Variants in ICE2 observed in about 807,000 individuals in gnomAD.
The protein encoded by ICE2 is little elongation complex subunit 2.
A neutral mutation model predicts 105.4 loss-of-function variants in ICE2; 87 were observed. The ratio of observed to expected loss-of-function variants is 0.83; its 90% confidence interval spans 0.69 to 0.99. The LOEUF (loss-of-function observed/expected upper bound fraction) is 0.99. ICE2 is among the 50% of genes least tolerant of loss of function. ICE2 has a pLI of 0.00. For synonymous variants in ICE2, 399 were observed against 392.0 expected, an observed-to-expected ratio of 1.02 and a Z score of -0.21; for missense variants, 1,323 against 1,146.7, an observed-to-expected ratio of 1.15 and a Z score of -2.22.
At chr15:60,466,324 A>C (rs563081471) in intron 5 of ICE2, among the ~76,000 whole-genome samples, 1 of 152,366 alleles carries the variant, frequency 6.6e-6, no homozygotes, top group South Asian at 2.1e-4. Flanking sequence ...TCAGTGGGTC[A>C]GTTCAAACTA....
intron 3 of ICE2, among the ~76,000 whole-genome samples, chr15:60,472,416 T>C (rs1350882612): frequency 2.0e-5 from 3 of 152,172 alleles, no homozygotes; most frequent in Non-Finnish European, 4.4e-5. Flanking sequence ...GTAATTACTG[T>C]AACAATGATT....
intron 8 of ICE2, 49 bp from the exon 9 acceptor site, chr15:60,453,833 A>G (rs2064028906): frequency 7.0e-7 from 1 of 1,424,520 alleles, no homozygotes; most frequent in Non-Finnish European, 9.7e-7. Flanking sequence ...TAATTGTGAT[A>G]TATTTTTTAA....
At chr15:60,475,038 C>T (rs948648118) in intron 3 of ICE2, among the ~76,000 whole-genome samples, 21 of 152,068 alleles carry the variant, frequency 1.4e-4, no homozygotes, top group Admixed American at 1.0e-3. Context: ...GAGGGGACAA[C>T]GGACAGAAAA....
intron 9 of ICE2, chr15:60,453,277 C>A (rs933217458): frequency 8.1e-5 from 85 of 1,048,628 alleles, no homozygotes; most frequent in Non-Finnish European, 9.4e-5. Context: ...TTAAACAAAA[C>A]CTCATATTAA....
Position 60,479,030 on chromosome 15 carries a change from G to A in ICE2, c.-120C>T, listed in dbSNP as rs1301579985. 2.2e-6 allele frequency: 1 copy of A among 455,872 alleles called. No homozygotes were observed. Among genetic ancestry groups the A allele is most frequent in the Non-Finnish European group, 4.4e-6 (1 of 226,754 alleles). The allele number at this position is 455,872 out of a possible 1,614,324, so 28.2% of individuals were successfully genotyped here. On this transcript the variant is annotated 5_prime_UTR_variant, in exon 1 of 16. Coordinates refer to ENST00000261520, the MANE Select transcript of ICE2 (RefSeq NM_024611.6). Reference sequence around the variant, plus strand: ...CATGGTCCGCGGCGGCTCTTGCCCAGGCCGCAGCCACACACCACACACGCT... The same window carrying A: ...CATGGTCCGCGGCGGCTCTTGCCCAAGCCGCAGCCACACACCACACACGCT...
At chr15:60,436,587 C>T (rs1352296619) in intron 12 of ICE2, among the ~76,000 whole-genome samples, 1 of 150,748 alleles carries the variant, frequency 6.6e-6, no homozygotes, top group African/African-American at 2.4e-5. Context: ...TAGTGGCGGG[C>T]GCCTGTAGTC....
intron 1 of ICE2, chr15:60,478,798 G>A (rs1043949604): frequency 1.4e-5 from 5 of 367,458 alleles, no homozygotes; most frequent in Middle Eastern, 9.7e-4. Context: ...CTGAGGGAAA[G>A]GGGACGCAAA....
At chr15:60,447,225 A>G (rs2063841622) in intron 11 of ICE2, among the ~76,000 whole-genome samples, 1 of 152,222 alleles carries the variant, frequency 6.6e-6, no homozygotes, top group Non-Finnish European at 1.5e-5. Flanking sequence ...CCATCTTTCA[A>G]AAGTTCTACT....
intron 11 of ICE2, among the ~76,000 whole-genome samples, chr15:60,446,612 GTC>G (rs1480970512): frequency 5.3e-5 from 8 of 152,120 alleles, no homozygotes; most frequent in Admixed American, 6.6e-5. Context: ...AGCCAGGATG[GTC>G]TCAATCTCCT....
chr15:60,466,065 T>C (rs1209629259), intron 5 of ICE2, among the ~76,000 whole-genome samples: 4 of 152,168 alleles, frequency 2.6e-5, no homozygotes, highest in Non-Finnish European at 5.9e-5. Flanking sequence ...TTAAGTAGTA[T>C]ACTTTAATTT....
intron 6 of ICE2, among the ~76,000 whole-genome samples, chr15:60,455,885 T>C (rs2064096276): frequency 6.6e-6 from 1 of 152,156 alleles, no homozygotes; most frequent in Admixed American, 6.5e-5. Context: ...CCCAAAGTGC[T>C]GGGATTATAG....
chr15:60,432,478 T>G (rs953339157), intron 13 of ICE2, among the ~76,000 whole-genome samples: 1 of 151,222 alleles, frequency 6.6e-6, no homozygotes, highest in Non-Finnish European at 1.5e-5. Context: ...GCATGAGGCA[T>G]GGGGTCGGGC....
Position 60,455,430 on chromosome 15 carries a change from A to AT in ICE2, c.678dup (p.Tyr227IlefsTer24), listed in dbSNP as rs1330728160. The AT allele has an allele frequency of 6.2e-7, 1 of 1,607,672 alleles. No homozygotes were observed. The highest frequency in any genetic ancestry group is 8.5e-7 in the Non-Finnish European group (1 of 1,174,846). On this transcript the variant is annotated frameshift_variant, in exon 7 of 16. Coordinates refer to ENST00000261520, the MANE Select transcript of ICE2 (RefSeq NM_024611.6). LOFTEE classifies it high-confidence loss of function. ...ATTGAGGGAAATACTGTTTTCACAT[A>AT]TTTTACACTGCCCTAAATATGAAAA...
chr15:60,429,933 TGA>T (rs2063419246), intron 14 of ICE2, among the ~76,000 whole-genome samples: 1 of 152,204 alleles, frequency 6.6e-6, no homozygotes. Context: ...TCATGGAGAA[TGA>T]GAGATACTCT....
intron 9 of ICE2, among the ~76,000 whole-genome samples, chr15:60,450,495 T>C (rs1263462353): frequency 6.6e-6 from 1 of 152,180 alleles, no homozygotes; most frequent in East Asian, 1.9e-4. Flanking sequence ...GCTTTTAACT[T>C]ATTCAGGACT....
At position 60,442,645 on chromosome 15, in the gene ICE2, G is replaced by C. The variant is rs183569776; in HGVS notation, c.2296-100C>G. On this transcript the variant is annotated intron_variant, in intron 11 of 15. Coordinates refer to ENST00000261520, the MANE Select transcript of ICE2 (RefSeq NM_024611.6). ...TTTGCCACTTTCAAAATGCTTTCAGGTAATCTTATTTCATCCTTTCAATTA... is the reference window on the plus strand; with the variant it reads ...TTTGCCACTTTCAAAATGCTTTCAGCTAATCTTATTTCATCCTTTCAATTA... The C allele has an allele frequency of 2.2e-4, 196 of 876,226 alleles. No individual in the cohort carries two copies. In the East Asian group the frequency reaches 4.5e-3, roughly 20 times the overall value. 54.3% of individuals were successfully genotyped at this position (876,226 alleles called of 1,614,324 possible). A position where few individuals can be genotyped will look rare whatever the true frequency, so the allele number is the denominator to read the frequency against.
intron 11 of ICE2, among the ~76,000 whole-genome samples, chr15:60,444,255 T>G (rs961836117): frequency 6.6e-6 from 1 of 152,198 alleles, no homozygotes; most frequent in Non-Finnish European, 1.5e-5. Flanking sequence ...AAATATGTAT[T>G]ATTTCTAAAA....
rs775706523 is a variant in ICE2 at position 60,468,314 on chromosome 15, C to T, written c.155G>A (p.Gly52Glu). 6.9e-6 allele frequency: 11 copies of T among 1,598,778 alleles called. No individual in the cohort carries two copies. Among genetic ancestry groups the T allele is most frequent in the Middle Eastern group, 1.7e-4 (1 of 6,016 alleles). The change falls in exon 4 of 16, where the codon GGA (glycine) becomes GAA (glutamate). Residue 52 changes from glycine (G) to glutamate (E), a missense_variant. Transcript: ENST00000261520. Reference sequence around the variant, plus strand: ...ACTTGCTGAGGCATTCAAATTTTCTCCTATACGTCTGGAAAACAAAATATA... The same window carrying T: ...ACTTGCTGAGGCATTCAAATTTTCTTCTATACGTCTGGAAAACAAAATATA... ...ELRVLSNRRIGENLNASASSV... is the reference protein window; with the variant it reads ...ELRVLSNRRIEENLNASASSV...
At chr15:60,440,532 A>T (rs1182233818) in intron 12 of ICE2, 1 of 152,098 alleles carries the variant, frequency 6.6e-6, no homozygotes, top group African/African-American at 2.4e-5. Context: ...GATTCTACTG[A>T]AAAAAGAGAC....
Sources: allele counts gnomAD v4.1 joint callset (sites outside exome capture counted in the v4.1 genomes callset), GRCh38; gene constraint gnomAD v4.1.1; transcripts MANE v1.5; gene names NCBI Gene and HGNC (gene_info 2026-07-23, HGNC 2026-07-21).